EDIL3: variants seen among roughly 807,000 people sequenced by gnomAD.
EDIL3 encodes the protein EGF-like repeat and discoidin I-like domain-containing protein 3.
A neutral mutation model predicts 67.4 loss-of-function variants in EDIL3; 37 were observed. That is an observed-to-expected ratio of 0.55 (90% CI 0.42 to 0.72). The LOEUF (loss-of-function observed/expected upper bound fraction) is 0.72. Ranked by LOEUF, EDIL3 falls within the 30% of genes least tolerant of loss-of-function variation. The pLI, the probability that EDIL3 is intolerant of heterozygous loss-of-function variation, is 0.00. For missense variants in EDIL3, 527 were observed against 586.3 expected, an observed-to-expected ratio of 0.90 and a Z score of 1.04; for synonymous variants, 195 against 196.3, an observed-to-expected ratio of 0.99 and a Z score of 0.05.
chr5:84,375,760 A>C (rs1747954249), intron 1 of EDIL3, among the ~76,000 whole-genome samples: 1 of 152,214 alleles, frequency 6.6e-6, no homozygotes, highest in African/African-American at 2.4e-5. Context: ...TGTATTTCAA[A>C]CCACTTCCCA....
chr5:83,981,508 A>T (rs1418002002), intron 9 of EDIL3, among the ~76,000 whole-genome samples: 1 of 152,042 alleles, frequency 6.6e-6, no homozygotes, highest in Non-Finnish European at 1.5e-5. Flanking sequence ...TGCTTCTTAA[A>T]TATTCAGTAG....
At chr5:84,360,039 T>G (rs1747564906) in intron 1 of EDIL3, among the ~76,000 whole-genome samples, 1 of 152,206 alleles carries the variant, frequency 6.6e-6, no homozygotes, top group Admixed American at 6.5e-5. Context: ...ACCTAGGATA[T>G]GAATCTGTTC....
At chr5:84,226,363 G>GAT (rs1159983582) in intron 3 of EDIL3, among the ~76,000 whole-genome samples, 8 of 151,520 alleles carry the variant, frequency 5.3e-5, no homozygotes, top group Non-Finnish European at 1.2e-4. Context: ...ATAAATTAAA[G>GAT]ATATATATCT....
chr5:84,117,108 A>G (rs941517132), intron 5 of EDIL3, among the ~76,000 whole-genome samples: 1 of 139,086 alleles, frequency 7.2e-6, no homozygotes, highest in Non-Finnish European at 1.5e-5. Flanking sequence ...GCTCACTGCA[A>G]GCTCCGCCTC....
At chr5:84,204,602 T>C (rs1743918139) in intron 3 of EDIL3, among the ~76,000 whole-genome samples, 2 of 152,072 alleles carry the variant, frequency 1.3e-5, no homozygotes, top group Admixed American at 6.6e-5. Context: ...TAGGTATACA[T>C]ACAACCTGCC....
intron 9 of EDIL3, among the ~76,000 whole-genome samples, chr5:84,011,292 G>A (rs1745513132): frequency 6.6e-6 from 1 of 152,070 alleles, no homozygotes; most frequent in African/African-American, 2.4e-5. Flanking sequence ...AATCATACTT[G>A]ATTTCTCCTG....
At chr5:84,364,480 C>A (rs1185002919) in intron 1 of EDIL3, among the ~76,000 whole-genome samples, 1 of 152,108 alleles carries the variant, frequency 6.6e-6, no homozygotes, top group African/African-American at 2.4e-5. Context: ...CAGTAGGTAG[C>A]ATTCCAGATC....
chr5:84,106,481 T>C (rs549018060), intron 6 of EDIL3, among the ~76,000 whole-genome samples, 168 bp downstream of exon 6: 36 of 152,224 alleles, frequency 2.4e-4, no homozygotes, highest in African/African-American at 8.2e-4. Context: ...AATGTGCATG[T>C]TTTTTACTTC....
chr5:84,199,184 C>T (rs1302327147), intron 3 of EDIL3, among the ~76,000 whole-genome samples: 1 of 151,924 alleles, frequency 6.6e-6, no homozygotes, highest in East Asian at 1.9e-4. Context: ...GAGACTTCAC[C>T]CTAATTTCAT....
intron 1 of EDIL3, 102 bp downstream of exon 1, chr5:84,384,206 C>T: frequency 4.2e-6 from 6 of 1,440,888 alleles, no homozygotes; most frequent in Non-Finnish European, 5.6e-6. Flanking sequence ...GCGCTCGCCA[C>T]CCTTGGCACG....
chr5:84,353,234 A>G (rs1747401710), intron 1 of EDIL3, among the ~76,000 whole-genome samples: 1 of 152,200 alleles, frequency 6.6e-6, no homozygotes, highest in Non-Finnish European at 1.5e-5. Context: ...GCTGTGCCCA[A>G]TCAAAAGGGA....
intron 3 of EDIL3, among the ~76,000 whole-genome samples, chr5:84,190,941 G>A (rs1375600289): frequency 6.6e-6 from 1 of 151,858 alleles, no homozygotes; most frequent in East Asian, 1.9e-4. Context: ...ATAAATGTGT[G>A]ATGATTGACT....
intron 3 of EDIL3, among the ~76,000 whole-genome samples, chr5:84,226,698 T>C (rs935680127): frequency 2.6e-5 from 4 of 151,974 alleles, no homozygotes; most frequent in Admixed American, 2.0e-4. Flanking sequence ...AATCCATATG[T>C]GAAATTATGT....
chr5:84,166,582 T>A (rs777905675), intron 4 of EDIL3, among the ~76,000 whole-genome samples: 1 of 152,110 alleles, frequency 6.6e-6, no homozygotes, highest in African/African-American at 2.4e-5. Context: ...AAGTCCTTGC[T>A]CTAGAAAAGA....
chr5:84,299,137 C>G (rs777464512), intron 1 of EDIL3, among the ~76,000 whole-genome samples: 1 of 152,130 alleles, frequency 6.6e-6, no homozygotes, highest in Non-Finnish European at 1.5e-5. Flanking sequence ...AGGACTACCT[C>G]TGGAACACAC....
At chr5:84,208,671 G>A (rs1744042689) in intron 3 of EDIL3, among the ~76,000 whole-genome samples, 1 of 119,688 alleles carries the variant, frequency 8.4e-6, no homozygotes, top group Non-Finnish European at 1.6e-5. Flanking sequence ...GGGCAACAGA[G>A]CGAGACTCCG....
At chr5:83,954,902 C>T (rs1744487174) in intron 10 of EDIL3, among the ~76,000 whole-genome samples, 1 of 151,794 alleles carries the variant, frequency 6.6e-6, no homozygotes, top group South Asian at 2.1e-4. Flanking sequence ...AGGTTCATCA[C>T]TACCTCTTAA....
At chr5:84,307,084 G>T (rs946285305) in intron 1 of EDIL3, among the ~76,000 whole-genome samples, 3 of 152,172 alleles carry the variant, frequency 2.0e-5, no homozygotes, top group Admixed American at 6.5e-5. Context: ...AAAGATATAT[G>T]ATCTAGTTAG....
chr5:84,073,957 G>T (rs1046250327), intron 6 of EDIL3, among the ~76,000 whole-genome samples: 1 of 151,436 alleles, frequency 6.6e-6, no homozygotes, highest in Non-Finnish European at 1.5e-5. Context: ...ATACTACAAG[G>T]CTACAGTAAC....
Sources: gnomAD v4.1 joint callset for allele counts (sites outside exome capture counted in the v4.1 genomes callset) on GRCh38, gnomAD v4.1.1 for gene constraint, MANE v1.5 for transcripts, NCBI Gene and HGNC (gene_info 2026-07-23, HGNC 2026-07-21) for gene names.